The following CWC27 variants were observed in gnomAD, a reference collection of about 807,000 sequenced individuals.
CWC27 encodes CWC27 spliceosome associated cyclophilin.
In CWC27, 47 loss-of-function variants were observed where a neutral mutation model predicts 63.6. That is an observed-to-expected ratio of 0.74 (90% CI 0.58 to 0.94). CWC27 has a LOEUF of 0.94. Among genes scored for constraint, CWC27 ranks in the 40% least tolerant of loss-of-function variants. The probability of loss-of-function intolerance (pLI) is 0.00; values close to 1 mark genes in which losing one functional copy is unlikely to be tolerated. For missense variants in CWC27, 495 were observed against 554.3 expected (o/e 0.89, Z 1.07); for synonymous variants, 175 against 179.8 (o/e 0.97, Z 0.22).
chr5:64,977,299 C>A, intron 13 of CWC27, 61 bp downstream of exon 13: 2 of 1,123,210 alleles, frequency 1.8e-6, no homozygotes, highest in Non-Finnish European at 2.6e-6. Flanking sequence ...AGAGACACTA[C>A]TGGGGCATTT....
Position 64,972,464 on chromosome 5 carries a change from TA to T in CWC27, c.1152+653del, listed in dbSNP as rs1749143000. On this transcript the variant is annotated intron_variant, in intron 12 of 13. Transcript: ENST00000381070. ...AGTTAGAGGGCAGACTGAAATCATT[TA>T]TTTTTGGTGCTGCCATATATATGTT... Among the ~76,000 whole-genome samples, 9 of 152,220 alleles carry T rather than the reference TA, an allele frequency of 5.9e-5. No individual in the cohort carries two copies. The South Asian group carries it at 1.9e-3, about 32-fold the overall frequency.
At chr5:64,896,747 T>TA (rs1376842097) in intron 11 of CWC27, among the ~76,000 whole-genome samples, 3 of 150,800 alleles carry the variant, frequency 2.0e-5, no homozygotes, top group Admixed American at 6.6e-5. Context: ...GGATATTTTT[T>TA]AAAAAAAAGA....
At chr5:64,852,520 G>A (rs564297804) in intron 10 of CWC27, among the ~76,000 whole-genome samples, 1 of 151,216 alleles carries the variant, frequency 6.6e-6, no homozygotes, top group African/African-American at 2.4e-5. Context: ...TGCAGAGGCT[G>A]GAGTGCAGCG....
At chr5:64,849,866 A>G (rs1399685840) in intron 10 of CWC27, among the ~76,000 whole-genome samples, 1 of 151,888 alleles carries the variant, frequency 6.6e-6, no homozygotes, top group Admixed American at 6.6e-5. Flanking sequence ...TTCTGCCATG[A>G]TTGTCAGTTT....
intron 7 of CWC27, among the ~76,000 whole-genome samples, chr5:64,798,821 C>T (rs59404660): frequency 0.37 from 55,571 of 152,090 alleles, 10,763 homozygotes; most frequent in East Asian, 0.51. Context: ...AATTTTCCCA[C>T]ATAAAATTTT....
intron 10 of CWC27, among the ~76,000 whole-genome samples, chr5:64,858,303 C>CA (rs1199794380): frequency 3.5e-4 from 50 of 144,686 alleles, no homozygotes; most frequent in Admixed American, 4.9e-4. Flanking sequence ...ACTAAAAATA[C>CA]AAAAAAAAAT....
intron 11 of CWC27, among the ~76,000 whole-genome samples, chr5:64,900,267 T>C (rs1290418000): frequency 6.6e-6 from 1 of 152,214 alleles, no homozygotes; most frequent in African/African-American, 2.4e-5. Flanking sequence ...ATTCTAATAG[T>C]TTGCAGTGTT....
At chr5:64,920,745 G>C (rs1054216405) in intron 11 of CWC27, among the ~76,000 whole-genome samples, 3 of 152,108 alleles carry the variant, frequency 2.0e-5, no homozygotes, top group Admixed American at 1.3e-4. Context: ...GTCCATAGAG[G>C]TGTCTCTAAT....
chr5:64,910,398 C>A (rs1388486342), intron 11 of CWC27, among the ~76,000 whole-genome samples: 2 of 152,244 alleles, frequency 1.3e-5, no homozygotes, highest in Admixed American at 1.3e-4. Flanking sequence ...TTAGGCTACA[C>A]AGAGGTCAGG....
At chr5:64,848,409 A>G (rs1746044584) in intron 10 of CWC27, among the ~76,000 whole-genome samples, 1 of 152,180 alleles carries the variant, frequency 6.6e-6, no homozygotes, top group Non-Finnish European at 1.5e-5. Context: ...TATAGTAAAC[A>G]TTTAAAGAAC....
chr5:64,815,802 G>A (rs1745008873), intron 10 of CWC27, among the ~76,000 whole-genome samples: 1 of 152,070 alleles, frequency 6.6e-6, no homozygotes, highest in Non-Finnish European at 1.5e-5. Context: ...AGAATACAGT[G>A]GATATCTTCC....
intron 11 of CWC27, among the ~76,000 whole-genome samples, chr5:64,909,533 C>G (rs1214078100): frequency 6.6e-6 from 1 of 152,148 alleles, no homozygotes; most frequent in South Asian, 2.1e-4. Flanking sequence ...AGAGTGTTTT[C>G]CAACTTGGAT....
In CWC27 at chr5:64,824,733, T is replaced by C. The variant is rs574420316; in HGVS notation, c.938+20347T>C. Among the ~76,000 whole-genome samples, 11 of 141,794 alleles carry C rather than the reference T, an allele frequency of 7.8e-5. No homozygotes were observed. In the South Asian group the frequency reaches 2.6e-3, roughly 34 times the overall value. 93.0% of individuals were successfully genotyped at this position (141,794 alleles called of 152,430 possible). A position where few individuals can be genotyped will look rare whatever the true frequency, so the allele number is the denominator to read the frequency against. ...GAAGTGTTCCTTTCTTTTCTCTTTT[T>C]TTTTTTTTTTTTTTTTTGAGATGGA... On this transcript the variant is annotated intron_variant, in intron 10 of 13. Transcript: ENST00000381070.
intron 11 of CWC27, among the ~76,000 whole-genome samples, chr5:64,902,516 A>C (rs1747532001): frequency 6.6e-6 from 1 of 152,212 alleles, no homozygotes; most frequent in Non-Finnish European, 1.5e-5. Context: ...ACTTTTGTTG[A>C]AAATGAATTG....
chr5:64,804,715 G>C (rs186259831), intron 10 of CWC27: 22 of 178,894 alleles, frequency 1.2e-4, no homozygotes, highest in Non-Finnish European at 2.2e-4. Flanking sequence ...GAGAGCAGTA[G>C]AGTAATTGTA....
At position 64,874,687 on chromosome 5, in the gene CWC27, A is replaced by G. The variant is rs138882891; in HGVS notation, c.939-10756A>G. 8.0e-3 allele frequency among the ~76,000 whole-genome samples: 1,213 copies of G among 152,160 alleles called. 18 individuals are homozygous for G. The highest frequency in any genetic ancestry group is 0.028 in the African/African-American group (1,167 of 41,502). On this transcript the variant is annotated intron_variant, in intron 10 of 13. Transcript: ENST00000381070. ...GACCAGTAACTCAGAGTGTTCAACTATCAGTTCCAATGCTTATTGCTCTGG... is the reference window on the plus strand; with the variant it reads ...GACCAGTAACTCAGAGTGTTCAACTGTCAGTTCCAATGCTTATTGCTCTGG...
At chr5:64,974,931 T>C (rs1245474213) in intron 12 of CWC27, among the ~76,000 whole-genome samples, 1 of 152,232 alleles carries the variant, frequency 6.6e-6, no homozygotes, top group African/African-American at 2.4e-5. Context: ...CAAGGGATAC[T>C]TTATCTGTTA....
intron 2 of CWC27, among the ~76,000 whole-genome samples, chr5:64,776,217 A>G (rs34117742): frequency 1.3e-5 from 2 of 152,066 alleles, no homozygotes; most frequent in African/African-American, 4.8e-5. Flanking sequence ...AGAGGCCTCA[A>G]ATATCTGTTA....
At chr5:64,830,013 T>C (rs1263696540) in intron 10 of CWC27, among the ~76,000 whole-genome samples, 1 of 144,734 alleles carries the variant, frequency 6.9e-6, no homozygotes, top group Non-Finnish European at 1.5e-5. Context: ...TTTTTTTTCT[T>C]TTCTTTTCCA....
Sources: allele counts gnomAD v4.1 joint callset (sites outside exome capture counted in the v4.1 genomes callset), GRCh38; gene constraint gnomAD v4.1.1; transcripts MANE v1.5; gene names NCBI Gene and HGNC (gene_info 2026-07-23, HGNC 2026-07-21).